The following PCDH15 variants were observed in gnomAD, a reference collection of about 807,000 sequenced individuals.
PCDH15 encodes the protein protocadherin related 15.
PCDH15 carries 129 observed loss-of-function variants against 178.5 expected under a neutral mutation model. The observed-to-expected ratio is 0.72, with a 90% CI of 0.63 to 0.84. The LOEUF is 0.84. PCDH15 is among the 40% of genes least tolerant of loss of function. The pLI, the probability that PCDH15 is intolerant of heterozygous loss-of-function variation, is 0.00. For synonymous variants in PCDH15, 800 were observed against 732.0 expected, an observed-to-expected ratio of 1.09 and a Z score of -1.50; for missense variants, 2,230 against 2,099.9, an observed-to-expected ratio of 1.06 and a Z score of -1.21.
At chr10:55,568,466 C>T (rs1322931911) in intron 2 of PCDH15, among the ~76,000 whole-genome samples, 2 of 151,634 alleles carry the variant, frequency 1.3e-5, no homozygotes, top group Non-Finnish European at 2.9e-5. Context: ...ATAATGACGA[C>T]TGAACAATAA....
chr10:53,878,137 T>A (rs2080373451), intron 26 of PCDH15, among the ~76,000 whole-genome samples: 1 of 148,988 alleles, frequency 6.7e-6, no homozygotes, highest in African/African-American at 2.5e-5. Context: ...GAAATGTCTT[T>A]TGTCTGCTAG....
intron 10 of PCDH15, 22 bp downstream of exon 10, chr10:54,213,914 A>G (rs2051715976): frequency 7.0e-7 from 1 of 1,422,878 alleles, no homozygotes; most frequent in Non-Finnish European, 9.9e-7. Flanking sequence ...ACACAAGGAA[A>G]TAAGATATTA....
At chr10:54,925,426 G>C (rs930044689) in intron 2 of PCDH15, among the ~76,000 whole-genome samples, 1 of 51,362 alleles carries the variant, frequency 1.9e-5, no homozygotes. Context: ...GGCTATTCAG[G>C]CGTTTTTTTT....
At chr10:54,176,669 G>T (rs2047470943) in intron 13 of PCDH15, among the ~76,000 whole-genome samples, 1 of 152,132 alleles carries the variant, frequency 6.6e-6, no homozygotes, top group Admixed American at 6.6e-5. Context: ...TTCCAGGAGG[G>T]TGAGGATCTG....
At chr10:55,266,752 A>C (rs1000108333) in intron 1 of PCDH15, among the ~76,000 whole-genome samples, 1 of 152,202 alleles carries the variant, frequency 6.6e-6, no homozygotes, top group Non-Finnish European at 1.5e-5. Flanking sequence ...ATCGACCAGC[A>C]GAACCACACA....
chr10:54,355,959 T>A (rs928981311), intron 5 of PCDH15, among the ~76,000 whole-genome samples: 1 of 152,008 alleles, frequency 6.6e-6, no homozygotes, highest in Non-Finnish European at 1.5e-5. Flanking sequence ...TCAATTATAT[T>A]TCAAAAAATA....
intron 3 of PCDH15, among the ~76,000 whole-genome samples, chr10:54,523,251 T>TA: frequency 1.3e-5 from 2 of 152,294 alleles, no homozygotes; most frequent in South Asian, 2.1e-4. Context: ...GTGGATTTTT[T>TA]AAAAAAGCAC....
At chr10:55,094,859 A>G (rs1842409463) in intron 2 of PCDH15, among the ~76,000 whole-genome samples, 1 of 151,932 alleles carries the variant, frequency 6.6e-6, no homozygotes, top group Non-Finnish European at 1.5e-5. Context: ...AAAACCAAAT[A>G]TCTGATAAGT....
intron 3 of PCDH15, among the ~76,000 whole-genome samples, chr10:54,443,078 CTGG>C (rs1482854460): frequency 6.6e-6 from 1 of 151,612 alleles, no homozygotes; most frequent in African/African-American, 2.4e-5. Context: ...GAGTGTTTTT[CTGG>C]TGACCTCCTG....
At chr10:53,949,452 C>A (rs2086833130) in intron 23 of PCDH15, among the ~76,000 whole-genome samples, 1 of 152,184 alleles carries the variant, frequency 6.6e-6, no homozygotes, top group Non-Finnish European at 1.5e-5. Flanking sequence ...CAAGACAAAT[C>A]ATTCTTTCCA....
intron 2 of PCDH15, among the ~76,000 whole-genome samples, chr10:54,990,852 A>T (rs1480817526): frequency 6.6e-6 from 1 of 152,142 alleles, no homozygotes; most frequent in African/African-American, 2.4e-5. Context: ...TCCCCTCAGG[A>T]TAATAATACT....
intron 1 of PCDH15, among the ~76,000 whole-genome samples, chr10:54,718,356 T>C (rs2095506416): frequency 6.6e-6 from 1 of 152,044 alleles, no homozygotes; most frequent in South Asian, 2.1e-4. Flanking sequence ...TCTCCATGAT[T>C]CCAGTCCAAT....
At chr10:55,096,825 T>C (rs1842459455) in intron 2 of PCDH15, among the ~76,000 whole-genome samples, 1 of 152,124 alleles carries the variant, frequency 6.6e-6, no homozygotes, top group Admixed American at 6.6e-5. Context: ...TTCATTTGGA[T>C]CCTTGATTTT....
At chr10:55,317,476 G>A (rs1310980657) in intron 1 of PCDH15, among the ~76,000 whole-genome samples, 1 of 143,914 alleles carries the variant, frequency 6.9e-6, no homozygotes, top group African/African-American at 2.6e-5. Flanking sequence ...AGGCTTAATA[G>A]TGTTTTTTTT....
At position 54,879,276 on chromosome 10, in the gene PCDH15, G is replaced by T. The variant is rs146039210; in HGVS notation, c.-29+18174C>A. ...TTAGGTATAATGTTGGCATTCCTTA[G>T]AGATAGTAGTAATAATTCATCATTT... On this transcript the variant is annotated intron_variant, in intron 3 of 5. Coordinates refer to the PCDH15 transcript ENST00000458638. Among the ~76,000 whole-genome samples the T allele has an allele frequency of 4.5e-3, 686 of 151,950 alleles. 5 individuals are homozygous for T. The highest frequency in any genetic ancestry group is 0.016 in the African/African-American group (649 of 41,462).
At chr10:54,888,219 C>T (rs1054421097) in intron 3 of PCDH15, among the ~76,000 whole-genome samples, 3 of 152,120 alleles carry the variant, frequency 2.0e-5, no homozygotes, top group Non-Finnish European at 2.9e-5. Context: ...CCATTCCAGA[C>T]ATTCACTAAT....
At chr10:53,922,513 A>C (rs2084085256) in intron 25 of PCDH15, among the ~76,000 whole-genome samples, 1 of 152,126 alleles carries the variant, frequency 6.6e-6, no homozygotes, top group South Asian at 2.1e-4. Flanking sequence ...AAAATCATGG[A>C]TCTTAAGTAA....
At chr10:55,445,481 G>T (rs551778847) in intron 2 of PCDH15, among the ~76,000 whole-genome samples, 1 of 152,124 alleles carries the variant, frequency 6.6e-6, no homozygotes, top group South Asian at 2.1e-4. Context: ...ATCTTTAAAA[G>T]AAATATTAAT....
intron 3 of PCDH15, among the ~76,000 whole-genome samples, chr10:54,482,559 G>A (rs959023918): frequency 2.6e-5 from 4 of 151,682 alleles, no homozygotes; most frequent in Non-Finnish European, 5.9e-5. Context: ...AATAAGCAAT[G>A]CTACTTGCAC....
Sources: allele counts gnomAD v4.1 joint callset (sites outside exome capture counted in the v4.1 genomes callset), GRCh38; gene constraint gnomAD v4.1.1; transcripts MANE v1.5; gene names NCBI Gene and HGNC (gene_info 2026-07-23, HGNC 2026-07-21).